The following PPP2R2B variants were observed in gnomAD, a reference collection of about 807,000 sequenced individuals.
The protein encoded by PPP2R2B is serine/threonine-protein phosphatase 2A 55 kDa regulatory subunit B beta isoform.
In PPP2R2B, 5 loss-of-function variants were observed where a neutral mutation model predicts 46.0. The ratio of observed to expected loss-of-function variants is 0.11; its 90% CI spans 0.06 to 0.23. The LOEUF (loss-of-function observed/expected upper bound fraction) is 0.23, where lower values mean the gene tolerates loss of function less well. PPP2R2B is among the 10% of genes least tolerant of loss of function. The probability of loss-of-function intolerance (pLI) is 1.00; values close to 1 mark genes in which losing one functional copy is unlikely to be tolerated. For missense variants in PPP2R2B, 367 were observed against 575.0 expected, an observed-to-expected ratio of 0.64 and a Z score of 3.70; for synonymous variants, 215 against 206.7, an observed-to-expected ratio of 1.04 and a Z score of -0.34.
At chr5:146,864,683 G>C (rs1761205686) in intron 2 of PPP2R2B, among the ~76,000 whole-genome samples, 1 of 152,154 alleles carries the variant, frequency 6.6e-6, no homozygotes, top group Non-Finnish European at 1.5e-5. Context: ...AATGGCAGAG[G>C]CTGAGAATTG....
At chr5:146,601,385 C>G (rs1475430174) in intron 7 of PPP2R2B, among the ~76,000 whole-genome samples, 1 of 151,968 alleles carries the variant, frequency 6.6e-6, no homozygotes, top group African/African-American at 2.4e-5. Flanking sequence ...TCACTTAAAC[C>G]CAAGATTTCA....
chr5:146,829,779 A>G (rs1758811502), intron 2 of PPP2R2B, among the ~76,000 whole-genome samples: 1 of 152,074 alleles, frequency 6.6e-6, no homozygotes, highest in South Asian at 2.1e-4. Flanking sequence ...TCACGTAACT[A>G]CCCCTACTTT....
chr5:146,985,017 CTTTT>C (rs34277498), intron 1 of PPP2R2B, among the ~76,000 whole-genome samples: 1 of 99,456 alleles, frequency 1.0e-5, no homozygotes, highest in East Asian at 2.9e-4. Flanking sequence ...TTTTCTTTTT[CTTTT>C]TTTTTTTTTT....
chr5:147,029,195 C>A (rs1285465125), intron 1 of PPP2R2B, among the ~76,000 whole-genome samples: 5 of 151,976 alleles, frequency 3.3e-5, no homozygotes, highest in Non-Finnish European at 5.9e-5. Context: ...TTATTATCAC[C>A]TTTTATGTCA....
At chr5:146,891,057 A>G (rs1038096216) in intron 1 of PPP2R2B, among the ~76,000 whole-genome samples, 1 of 152,120 alleles carries the variant, frequency 6.6e-6, no homozygotes, top group Non-Finnish European at 1.5e-5. Flanking sequence ...TCCCCAGCAA[A>G]TTTTTTCGTA....
chr5:146,893,961 G>T (rs1375458262), intron 1 of PPP2R2B, among the ~76,000 whole-genome samples: 2 of 151,368 alleles, frequency 1.3e-5, no homozygotes, highest in Admixed American at 6.6e-5. Flanking sequence ...CATGAGAATT[G>T]CTTGAACCCA....
chr5:146,646,093 T>G (rs976669989), intron 6 of PPP2R2B, among the ~76,000 whole-genome samples: 2 of 152,244 alleles, frequency 1.3e-5, no homozygotes, highest in African/African-American at 2.4e-5. Context: ...ACAGAAATTA[T>G]CTCAGTTTGT....
intron 7 of PPP2R2B, among the ~76,000 whole-genome samples, chr5:146,615,515 T>A (rs868298731): frequency 0.023 from 1,606 of 70,066 alleles, 5 homozygotes; most frequent in Middle Eastern, 0.034. Flanking sequence ...AAAAAAAAAT[T>A]AAAAAAAAAA....
intron 1 of PPP2R2B, among the ~76,000 whole-genome samples, chr5:147,017,719 G>A (rs1368474624): frequency 2.0e-5 from 3 of 152,082 alleles, no homozygotes; most frequent in Non-Finnish European, 4.4e-5. Context: ...AAGCAAAAAA[G>A]TGTTTCTTAG....
chr5:146,787,671 G>A (rs1207912317), intron 2 of PPP2R2B, among the ~76,000 whole-genome samples: 2 of 152,114 alleles, frequency 1.3e-5, no homozygotes, highest in South Asian at 2.1e-4. Context: ...AGATTGAAGT[G>A]ATTATCTTGC....
intron 2 of PPP2R2B, among the ~76,000 whole-genome samples, chr5:146,715,790 C>T (rs1780464308): frequency 6.6e-6 from 1 of 152,034 alleles, no homozygotes; most frequent in East Asian, 1.9e-4. Context: ...ATTTCTTGTT[C>T]CTATTCTCTT....
At position 146,600,439 on chromosome 5, in the gene PPP2R2B, G is replaced by C. The variant is rs1267137525; in HGVS notation, c.812C>G (p.Pro271Arg). The C allele has an allele frequency of 3.7e-6, 6 of 1,613,714 alleles. No individual in the cohort carries two copies. The highest frequency in any genetic ancestry group is 4.2e-6 in the Non-Finnish European group (5 of 1,179,836). The change falls in exon 8 of 10, where the codon CCA becomes CGA. Residue 271 changes from proline (P) to arginine (R), a missense_variant. By Grantham distance (103) the Pro-to-Arg change is moderately radical. Around this residue, in one of 2 missense-constraint regions of PPP2R2B, gnomAD observed 361 missense variants for 545.5 expected, o/e 0.66. Coordinates refer to ENST00000394411, the MANE Select transcript of PPP2R2B (RefSeq NM_181675.4). ...TTCAGAGAAAAATGATCTGTTGCTT[G>C]GATCTTCCGGCTCTTCAAAAACTGC... ...HTKFFEEPED[P>R]SNRSFFSEII...
At chr5:147,025,079 A>T (rs1755464482) in intron 1 of PPP2R2B, among the ~76,000 whole-genome samples, 1 of 152,092 alleles carries the variant, frequency 6.6e-6, no homozygotes, top group Admixed American at 6.5e-5. Flanking sequence ...AATTGACGAT[A>T]TCAGAAATGA....
At chr5:146,974,996 TA>T (rs1409961291) in intron 1 of PPP2R2B, among the ~76,000 whole-genome samples, 1 of 152,128 alleles carries the variant, frequency 6.6e-6, no homozygotes, top group Non-Finnish European at 1.5e-5. Flanking sequence ...GCCTATTTTT[TA>T]AATTTCATAA....
intron 5 of PPP2R2B, among the ~76,000 whole-genome samples, chr5:146,672,245 C>T (rs938423938): frequency 2.6e-5 from 4 of 152,264 alleles, no homozygotes; most frequent in Admixed American, 2.0e-4. Context: ...GTTTTCGAGT[C>T]CTCAAAAGGC....
At position 146,878,717 on chromosome 5, in the gene PPP2R2B, G is replaced by T. The variant is rs1316309777; in HGVS notation, c.-251C>A. On this transcript the variant is annotated 5_prime_UTR_variant, in exon 1 of 10. Transcript: ENST00000394411. This position sits in a 1 kb window ranked among gnomAD's most constrained non-coding sequence, Gnocchi z 4.5. ...CGCACTCACCCTCACACCCACACGCGCGCACTCGCAGCTGCTGCTGCTGCT... is the reference window on the plus strand; with the variant it reads ...CGCACTCACCCTCACACCCACACGCTCGCACTCGCAGCTGCTGCTGCTGCT... 1.3e-5 allele frequency: 12 copies of T among 932,596 alleles called. No individual in the cohort carries two copies. Among genetic ancestry groups the T allele is most frequent in the Non-Finnish European group, 2.7e-6 (2 of 748,114 alleles). 57.8% of individuals were successfully genotyped at this position (932,596 alleles called of 1,614,324 possible). A position where few individuals can be genotyped will look rare whatever the true frequency, so the allele number is the denominator to read the frequency against.
At chr5:146,821,653 A>G (rs1003995064) in intron 2 of PPP2R2B, among the ~76,000 whole-genome samples, 5 of 152,206 alleles carry the variant, frequency 3.3e-5, no homozygotes, top group African/African-American at 1.2e-4. Context: ...TTCTCACTTC[A>G]AAAAAAGATA....
intron 6 of PPP2R2B, among the ~76,000 whole-genome samples, chr5:146,650,091 A>G (rs1160734672): frequency 2.0e-5 from 3 of 152,336 alleles, no homozygotes; most frequent in Non-Finnish European, 4.4e-5. Flanking sequence ...GTAATACTAT[A>G]AAGTTCCCAT....
intron 2 of PPP2R2B, among the ~76,000 whole-genome samples, chr5:146,811,157 C>A (rs1300609479): frequency 6.6e-6 from 1 of 152,070 alleles, no homozygotes; most frequent in Non-Finnish European, 1.5e-5. Context: ...GCATGTGCCA[C>A]CATGCCTAAT....
Sources: allele counts gnomAD v4.1 joint callset (sites outside exome capture counted in the v4.1 genomes callset), GRCh38; gene constraint gnomAD v4.1.1; regional missense constraint gnomAD v4.1.1; non-coding constraint Gnocchi (gnomAD v3.1); transcripts MANE v1.5; gene names NCBI Gene and HGNC (gene_info 2026-07-23, HGNC 2026-07-21).